CC2D2A: variants seen among roughly 807,000 people sequenced by gnomAD.
The protein encoded by CC2D2A is coiled-coil and C2 domain-containing protein 2A.
Under a neutral mutation model 212.9 loss-of-function variants are expected in CC2D2A, and 155 were observed. The ratio of observed to expected loss-of-function variants is 0.73; its 90% CI spans 0.64 to 0.83. The LOEUF (loss-of-function observed/expected upper bound fraction) is 0.83. CC2D2A is among the 40% of genes least tolerant of loss of function. The probability of loss-of-function intolerance (pLI) is 0.00; values close to 1 mark genes in which losing one functional copy is unlikely to be tolerated. For synonymous variants in CC2D2A, 667 were observed against 686.5 expected, an observed-to-expected ratio of 0.97 and a Z score of 0.44; for missense variants, 1,856 against 1,956.2, an observed-to-expected ratio of 0.95 and a Z score of 0.97.
At chr4:15,497,722 T>C (rs1207192758) in intron 4 of CC2D2A, among the ~76,000 whole-genome samples, 1 of 152,224 alleles carries the variant, frequency 6.6e-6, no homozygotes, top group African/African-American at 2.4e-5. Flanking sequence ...TACCTAATTG[T>C]GGTTTTGGTT....
At chr4:15,501,579 G>A (rs1359633929) in intron 4 of CC2D2A, among the ~76,000 whole-genome samples, 1 of 152,054 alleles carries the variant, frequency 6.6e-6, no homozygotes, top group Non-Finnish European at 1.5e-5. Context: ...GAGACACTCT[G>A]CTCCACCCAT....
At chr4:15,561,538 T>G (rs12508065) in intron 23 of CC2D2A, 1 of 128,094 alleles carries the variant, frequency 7.8e-6, no homozygotes, top group Non-Finnish European at 1.9e-5. Context: ...TTTCATATTG[T>G]TTTTTTTTTC....
At chr4:15,546,952 A>G (rs779926964) in intron 17 of CC2D2A, among the ~76,000 whole-genome samples, 5 of 152,206 alleles carry the variant, frequency 3.3e-5, no homozygotes, top group Non-Finnish European at 7.3e-5. Context: ...CAATATTTAC[A>G]TATGTTATCT....
chr4:15,559,641 A>G (rs1286002701), intron 22 of CC2D2A, among the ~76,000 whole-genome samples: 1 of 148,996 alleles, frequency 6.7e-6, no homozygotes, highest in African/African-American at 2.5e-5. Context: ...ACTAAAAATT[A>G]AAGCTGAAAC....
In CC2D2A at chr4:15,555,094, A is replaced by G; in HGVS notation, c.2509A>G (p.Ile837Val). The change falls in exon 20 of 37, where the codon ATC (isoleucine) becomes GTC (valine). Residue 837 changes from isoleucine to valine, a missense_variant. Physicochemically the swap from Ile to Val is conservative, Grantham distance 29. Transcript: ENST00000424120. The stretch of plus-strand genomic sequence containing the variant: ...CAGTGCTTTGAAGAAAGCAGATGCC[A>G]TCTCATCTATTGGCACATCAGGACT... ...FRSALKKADA[I>V]SSIGTSGLTD... 1 of 1,613,076 alleles carries G rather than the reference A, an allele frequency of 6.2e-7. No homozygotes were observed. Among genetic ancestry groups the G allele is most frequent in the South Asian group, 1.1e-5 (1 of 90,846 alleles).
intron 3 of CC2D2A, among the ~76,000 whole-genome samples, chr4:15,479,816 G>A (rs903085666): frequency 2.0e-5 from 3 of 152,166 alleles, no homozygotes; most frequent in Non-Finnish European, 4.4e-5. Flanking sequence ...ACAGTCACAG[G>A]CACAGTGAGC....
intron 4 of CC2D2A, among the ~76,000 whole-genome samples, chr4:15,494,145 G>A (rs1715475254): frequency 2.0e-5 from 3 of 152,144 alleles, no homozygotes; most frequent in South Asian, 4.1e-4. Context: ...CAGAGTCTCT[G>A]AAAGTCCTGT....
At chr4:15,559,602 A>G (rs761307097) in intron 22 of CC2D2A, among the ~76,000 whole-genome samples, 11 of 152,196 alleles carry the variant, frequency 7.2e-5, no homozygotes, top group Non-Finnish European at 1.3e-4. Context: ...TTTTTAAACC[A>G]TATACTAACT....
At chr4:15,476,341 A>C (rs1714210067) in intron 2 of CC2D2A, among the ~76,000 whole-genome samples, 1 of 152,256 alleles carries the variant, frequency 6.6e-6, no homozygotes, top group African/African-American at 2.4e-5. Flanking sequence ...TGATTGGCTG[A>C]GACTCAGCTA....
chr4:15,547,219 T>A (rs1433025508), intron 17 of CC2D2A, among the ~76,000 whole-genome samples: 1 of 152,228 alleles, frequency 6.6e-6, no homozygotes, highest in East Asian at 1.9e-4. Context: ...ATGGGGTACA[T>A]GTGGTATTTT....
At chr4:15,529,088 T>C (rs1443232137) in intron 13 of CC2D2A, among the ~76,000 whole-genome samples, 2 of 152,168 alleles carry the variant, frequency 1.3e-5, no homozygotes, top group Non-Finnish European at 2.9e-5. Context: ...TGGGGACATG[T>C]GCAAAGATAT....
In CC2D2A at chr4:15,567,717, C is replaced by G; in HGVS notation, c.3329C>G (p.Thr1110Arg). The change falls in exon 26 of 37, where the codon ACA becomes AGA. Residue 1110 changes from threonine (T) to arginine (R), a missense_variant. Coordinates refer to ENST00000424120, the MANE Select transcript of CC2D2A (RefSeq NM_001378615.1). ...RPFVEVSFQRTVCHTTTAEGP... is the reference protein window; with the variant it reads ...RPFVEVSFQRRVCHTTTAEGP... ...TTTGTAGAAGTCTCTTTTCAACGAA[C>G]AGTTTGCCATACGACTACGGCTGAA... 6.2e-7 allele frequency: 1 copy of G among 1,605,170 alleles called. No individual in the cohort carries two copies. Among genetic ancestry groups the G allele is most frequent in the Non-Finnish European group, 8.5e-7 (1 of 1,177,788 alleles).
At chr4:15,592,460 A>T (rs1308468163) in intron 33 of CC2D2A, among the ~76,000 whole-genome samples, 2 of 152,222 alleles carry the variant, frequency 1.3e-5, no homozygotes, top group African/African-American at 4.8e-5. Context: ...GCTAATGAAT[A>T]AATAAATCCA....
At chr4:15,514,126 A>G (rs759206064) in intron 8 of CC2D2A, among the ~76,000 whole-genome samples, 2 of 152,242 alleles carry the variant, frequency 1.3e-5, no homozygotes, top group Non-Finnish European at 2.9e-5. Flanking sequence ...TTTTAAGTGT[A>G]TCATTTAATT....
At chr4:15,556,993 G>T (rs1008951713) in intron 20 of CC2D2A, among the ~76,000 whole-genome samples, 1 of 152,096 alleles carries the variant, frequency 6.6e-6, no homozygotes, top group Non-Finnish European at 1.5e-5. Flanking sequence ...TAGGCACCTC[G>T]TAATACACTG....
Position 15,528,729 on chromosome 4 carries a change from G to A in CC2D2A, c.1466+3G>A, listed in dbSNP as rs574767203. On this transcript the variant is annotated splice_donor_region_variant and intron_variant, in intron 13 of 36. Coordinates refer to ENST00000424120, the MANE Select transcript of CC2D2A (RefSeq NM_001378615.1). The stretch of plus-strand genomic sequence containing the variant: ...AATGAGTATAAATCTGAAATTCGGT[G>A]AGTAAAGTTTGTTAAGTGTAACTAC... The A allele has an allele frequency of 1.6e-5, 25 of 1,592,814 alleles. 1 individual carries two copies. The African/African-American group carries it at 1.6e-4, about 10-fold the overall frequency.
intron 16 of CC2D2A, among the ~76,000 whole-genome samples, chr4:15,538,899 G>C (rs1346722349): frequency 1.3e-5 from 2 of 152,226 alleles, no homozygotes; most frequent in East Asian, 3.9e-4. Flanking sequence ...CTGAGGACTT[G>C]TTAGAAACAT....
chr4:15,493,260 A>ATTTAT (rs1259068897), intron 4 of CC2D2A, among the ~76,000 whole-genome samples: 145 of 147,600 alleles, frequency 9.8e-4, no homozygotes, highest in African/African-American at 3.7e-3. Flanking sequence ...TTATTTATTT[A>ATTTAT]TTTATTTATT....
At chr4:15,553,074 T>G in intron 18 of CC2D2A, 84 bp from the exon 19 acceptor site, 1 of 1,284,944 alleles carries the variant, frequency 7.8e-7, no homozygotes, top group Non-Finnish European at 1.0e-6. Flanking sequence ...CCAAGTTCCA[T>G]TTGTCTACTA....
Sources: allele counts gnomAD v4.1 joint callset (sites outside exome capture counted in the v4.1 genomes callset), GRCh38; gene constraint gnomAD v4.1.1; transcripts MANE v1.5; gene names NCBI Gene and HGNC (gene_info 2026-07-23, HGNC 2026-07-21).